HNRNPM: variants seen among roughly 807,000 people sequenced by gnomAD.
HNRNPM encodes the protein CEA receptor.
A neutral mutation model predicts 73.1 loss-of-function variants in HNRNPM; 11 were observed. That is an observed-to-expected ratio of 0.15 (90% CI 0.09 to 0.25). The LOEUF (loss-of-function observed/expected upper bound fraction) is 0.25, where lower values mean the gene tolerates loss of function less well. HNRNPM is among the 10% of genes least tolerant of loss of function. HNRNPM has a pLI of 1.00. For missense variants in HNRNPM, 789 were observed against 1,067.9 expected (o/e 0.74, Z 3.64); for synonymous variants, 407 against 355.2 (o/e 1.15, Z -1.64).
intron 1 of HNRNPM, among the ~76,000 whole-genome samples, chr19:8,447,916 C>A (rs1412531309): frequency 6.6e-6 from 1 of 152,060 alleles, no homozygotes; most frequent in African/African-American, 2.4e-5. Flanking sequence ...GTCTCAGCCA[C>A]TGGGGAGGCT....
At chr19:8,476,220 C>G (rs1017218318) in intron 12 of HNRNPM, among the ~76,000 whole-genome samples, 2 of 152,156 alleles carry the variant, frequency 1.3e-5, no homozygotes, top group African/African-American at 4.8e-5. Context: ...TCCCCACACC[C>G]TCTACAGCTG....
chr19:8,481,230 G>A lies in HNRNPM; in HGVS notation c.1121-1928G>A, dbSNP rs549687260. 2.7e-4 allele frequency among the ~76,000 whole-genome samples: 41 copies of A among 152,340 alleles called. No homozygotes were observed. In the Middle Eastern group the frequency reaches 0.01, roughly 38 times the overall value. Reference sequence around the variant, plus strand: ...TTCAAGGATGAGGTGTAGCTGAGGCGATACTAAGGGTGGCTTGGGACATCG... The same window carrying A: ...TTCAAGGATGAGGTGTAGCTGAGGCAATACTAAGGGTGGCTTGGGACATCG... On this transcript the variant is annotated intron_variant, in intron 12 of 15. Coordinates refer to ENST00000325495, the MANE Select transcript of HNRNPM (RefSeq NM_005968.5).
chr19:8,487,133 G>C, intron 15 of HNRNPM, 58 bp downstream of exon 15: 2 of 1,452,396 alleles, frequency 1.4e-6, no homozygotes, highest in South Asian at 2.3e-5. Context: ...TGACGCAGCC[G>C]AGTCAGCAGC....
At chr19:8,471,703 A>G (rs1599809232) in intron 10 of HNRNPM, among the ~76,000 whole-genome samples, 2 of 152,184 alleles carry the variant, frequency 1.3e-5, no homozygotes, top group African/African-American at 2.4e-5. Context: ...GAGGCAAGCC[A>G]GAGAGTTGAT....
rs945112963 is a variant in HNRNPM, at chr19:8,463,446, T to G, written c.337-51T>G. ...CATTGATATTTACTATTTTTTTCTT[T>G]TCTTTTTCCCCTTCCTTGCTCTTCT... On this transcript the variant is annotated intron_variant, in intron 3 of 15. Transcript: ENST00000325495. The G allele has an allele frequency of 2.5e-6, 4 of 1,599,556 alleles. No homozygotes were observed. The South Asian group carries it at 4.4e-5, about 18-fold the overall frequency.
intron 12 of HNRNPM, among the ~76,000 whole-genome samples, chr19:8,482,297 G>A (rs1194898759): frequency 1.3e-5 from 2 of 152,198 alleles, no homozygotes; most frequent in African/African-American, 4.8e-5. Flanking sequence ...GTCATAAAGC[G>A]AAATGTGCCT....
At chr19:8,487,336 C>G (rs909078982) in intron 15 of HNRNPM, 1 of 439,076 alleles carries the variant, frequency 2.3e-6, no homozygotes, top group Non-Finnish European at 4.2e-6. Context: ...CCCCATTTCA[C>G]AGATGAGTCA....
At chr19:8,486,780 G>A (rs771820586) in intron 14 of HNRNPM, among the ~76,000 whole-genome samples, 12 of 152,250 alleles carry the variant, frequency 7.9e-5, no homozygotes, top group Non-Finnish European at 1.3e-4. Flanking sequence ...GCGCACCGCA[G>A]GCCTGAGTGT....
chr19:8,485,931 C>T lies in HNRNPM; in HGVS notation c.1503C>T (p.Ile501=), dbSNP rs190014817. Residue 501 remains isoleucine (I), a synonymous_variant, in exon 14 of 16, where the codon ATC becomes ATT. Transcript: ENST00000325495. ...GCCTTGAGCGCATGGCCGCTCCCAT[C>T]GACCGTGTGGGCCAGACCATTGAGC... The part of the protein sequence containing the change: ...GFGLERMAAP[I]DRVGQTIERM... The T allele has an allele frequency of 3.4e-5, 54 of 1,605,152 alleles. No homozygotes were observed. The Admixed American group carries it at 4.0e-4, about 12-fold the overall frequency.
At chr19:8,470,334 T>C (rs1970042555) in intron 9 of HNRNPM, among the ~76,000 whole-genome samples, 1 of 152,204 alleles carries the variant, frequency 6.6e-6, no homozygotes, top group African/African-American at 2.4e-5. Context: ...CTTTCTTCCT[T>C]TTTCTTTCTT....
Position 8,486,405 on chromosome 19 carries a change from T to C in HNRNPM, c.1977T>C (p.Asn659=), listed in dbSNP as rs1269930725. The change falls in exon 14 of 16, where the codon AAT becomes AAC. Residue 659 remains asparagine (N), a splice_region_variant and synonymous_variant. Coordinates refer to ENST00000325495, the MANE Select transcript of HNRNPM (RefSeq NM_005968.5). ...AGGCCTGCCAGATATTTGTGAGAAA[T>C]GTAAGTGGCTCTTGGGGAACTTCTT... ...ARKACQIFVR[N]LPFDFTWKML... 9.0e-6 allele frequency: 14 copies of C among 1,555,250 alleles called. No individual in the cohort carries two copies. Among genetic ancestry groups the C allele is most frequent in the African/African-American group, 1.4e-5 (1 of 72,908 alleles).
At chr19:8,486,547 T>C in intron 14 of HNRNPM, 142 bp downstream of exon 14, 1 of 689,668 alleles carries the variant, frequency 1.4e-6, no homozygotes, top group Non-Finnish European at 2.4e-6. Context: ...TTTATGCTAG[T>C]GGGACAAGTA....
At position 8,485,611 on chromosome 19, in the gene HNRNPM, G is replaced by C. The variant is rs1191177633; in HGVS notation, c.1183G>C (p.Gly395Arg). 6.3e-7 allele frequency: 1 copy of C among 1,598,862 alleles called. No individual in the cohort carries two copies. The highest frequency in any genetic ancestry group is 8.5e-7 in the Non-Finnish European group (1 of 1,174,400). The change falls in exon 14 of 16, where the codon GGA becomes CGA. Residue 395 changes from glycine to arginine, a missense_variant. Coordinates refer to ENST00000325495, the MANE Select transcript of HNRNPM (RefSeq NM_005968.5). Reference sequence around the variant, plus strand: ...TTGTGTCCCTGTTTCAGGTGGAGGTGGAGGAAGCGTCCCTGGGATCGAGAG... The same window carrying C: ...TTGTGTCCCTGTTTCAGGTGGAGGTCGAGGAAGCGTCCCTGGGATCGAGAG... Reference protein sequence around the residue: ...IIAKQGGGGGGGSVPGIERMG... With the variant: ...IIAKQGGGGGRGSVPGIERMG...
chr19:8,487,187 C>G (rs949416131), intron 15 of HNRNPM, 112 bp downstream of exon 15: 3 of 889,744 alleles, frequency 3.4e-6, no homozygotes, highest in Non-Finnish European at 5.8e-6. Flanking sequence ...GGACCCATGG[C>G]CTTGCCATGT....
At chr19:8,445,189 G>A in intron 1 of HNRNPM, 78 bp downstream of exon 1, 1 of 1,239,046 alleles carries the variant, frequency 8.1e-7, no homozygotes, top group Non-Finnish European at 1.0e-6. Flanking sequence ...CGTTAGGTCT[G>A]TTGGCGGCCT....
chr19:8,463,380 C>G lies in HNRNPM; in HGVS notation c.337-117C>G, dbSNP rs1969520024. Reference sequence around the variant, plus strand: ...AGAAGGGTTCATTTTAAAAGACTAACTTTGTGACATAAATCATATTTTTAG... The same window carrying G: ...AGAAGGGTTCATTTTAAAAGACTAAGTTTGTGACATAAATCATATTTTTAG... On this transcript the variant is annotated intron_variant, in intron 3 of 15. Coordinates refer to ENST00000325495, the MANE Select transcript of HNRNPM (RefSeq NM_005968.5). The G allele has an allele frequency of 3.4e-6, 4 of 1,193,462 alleles. No individual in the cohort carries two copies. The Admixed American group carries it at 5.3e-5, about 16-fold the overall frequency. The allele number at this position is 1,193,462 out of a possible 1,614,324, so 73.9% of individuals were successfully genotyped here. A position where few individuals can be genotyped will look rare whatever the true frequency, so the allele number is the denominator to read the frequency against.
At chr19:8,460,435 C>T (rs931224528) in intron 2 of HNRNPM, among the ~76,000 whole-genome samples, 1 of 152,088 alleles carries the variant, frequency 6.6e-6, no homozygotes, top group Non-Finnish European at 1.5e-5. Context: ...ATGCTGGACC[C>T]CCGGGTGACT....
At chr19:8,474,800 C>T (rs138222116) in intron 12 of HNRNPM, among the ~76,000 whole-genome samples, 1,695 of 151,594 alleles carry the variant, frequency 0.011, 17 homozygotes, top group African/African-American at 0.019. Context: ...CTGCAACCTC[C>T]GCCTCCCAGG....
At chr19:8,479,921 C>T (rs1286412974) in intron 12 of HNRNPM, among the ~76,000 whole-genome samples, 4 of 149,576 alleles carry the variant, frequency 2.7e-5, no homozygotes, top group Admixed American at 6.6e-5. Flanking sequence ...ATTACAGGCG[C>T]GTGCCCCCAT....
Sources: allele counts gnomAD v4.1 joint callset (sites outside exome capture counted in the v4.1 genomes callset), GRCh38; gene constraint gnomAD v4.1.1; transcripts MANE v1.5; gene names NCBI Gene and HGNC (gene_info 2026-07-23, HGNC 2026-07-21).